The following RP1 variants were observed in gnomAD, a reference collection of about 807,000 sequenced individuals.
RP1 encodes oxygen-regulated protein 1.
A neutral mutation model predicts 14.8 loss-of-function variants in RP1; 16 were observed. The ratio of observed to expected loss-of-function variants is 1.08; its 90% confidence interval spans 0.73 to 1.65. The LOEUF (loss-of-function observed/expected upper bound fraction) is 1.65, where lower values mean the gene tolerates loss of function less well. Ranked by LOEUF, RP1 falls within the 40% of genes most tolerant of loss-of-function variation. The probability of loss-of-function intolerance (pLI) is 0.00; values close to 1 mark genes in which losing one functional copy is unlikely to be tolerated. For missense variants in RP1, 2,631 were observed against 2,535.0 expected (o/e 1.04, Z -0.81); for synonymous variants, 876 against 883.6 (o/e 0.99, Z 0.15).
At chr8:54,576,988 A>C (rs1034702651) in intron 1 of RP1, among the ~76,000 whole-genome samples, 3 of 152,150 alleles carry the variant, frequency 2.0e-5, no homozygotes, top group African/African-American at 7.2e-5. Context: ...TCTATGTATT[A>C]TTCTAAGAAT....
chr8:54,662,407 C>T (rs756561390), intron 6 of RP1, among the ~76,000 whole-genome samples: 39 of 152,068 alleles, frequency 2.6e-4, no homozygotes, highest in Admixed American at 6.6e-5. Flanking sequence ...TTTGGTTATC[C>T]TGTTGTGCTG....
At chr8:54,755,951 A>G (rs1809496377) in intron 21 of RP1, among the ~76,000 whole-genome samples, 1 of 152,198 alleles carries the variant, frequency 6.6e-6, no homozygotes, top group Admixed American at 6.5e-5. Context: ...TGCAAGAAAA[A>G]TGGGACATAC....
chr8:54,562,232 T>C (rs1245933686), intron 1 of RP1, among the ~76,000 whole-genome samples: 1 of 152,212 alleles, frequency 6.6e-6, no homozygotes, highest in African/African-American at 2.4e-5. Flanking sequence ...AATATGAATA[T>C]GGGAGCAACA....
intron 15 of RP1, chr8:54,720,063 A>T: frequency 4.8e-6 from 6 of 1,240,232 alleles, no homozygotes; most frequent in Non-Finnish European, 6.5e-6. Context: ...TTTTAAAACG[A>T]CTGGTTTTAA....
intron 15 of RP1, among the ~76,000 whole-genome samples, chr8:54,716,989 C>G (rs1417356626): frequency 1.3e-5 from 2 of 152,148 alleles, no homozygotes; most frequent in South Asian, 2.1e-4. Flanking sequence ...GGAGTTGTCT[C>G]TCTTCTAGTC....
chr8:54,629,455 A>C lies in RP1; in HGVS notation c.5573A>C (p.His1858Pro), dbSNP rs747535614. The change falls in exon 4 of 4, where the codon CAT becomes CCT. Residue 1858 changes from histidine to proline, a missense_variant. Coordinates refer to ENST00000220676, the MANE Select transcript of RP1 (RefSeq NM_006269.2). ...ANHHTEEKGS[H>P]QSERVCTSVT... Reference sequence around the variant, plus strand: ...CATCATACAGAGGAGAAGGGTAGTCATCAGTCAGAAAGAGTATGCACATCT... The same window carrying C: ...CATCATACAGAGGAGAAGGGTAGTCCTCAGTCAGAAAGAGTATGCACATCT... 1 of 1,614,178 alleles carries C rather than the reference A, an allele frequency of 6.2e-7. No homozygotes were observed. Among genetic ancestry groups the C allele is most frequent in the South Asian group, 1.1e-5 (1 of 91,080 alleles).
At chr8:54,724,772 T>A (rs577479521) in intron 16 of RP1, among the ~76,000 whole-genome samples, 1 of 152,314 alleles carries the variant, frequency 6.6e-6, no homozygotes, top group African/African-American at 2.4e-5. Context: ...CCAGAAAATG[T>A]CTTCCACTTT....
chr8:54,821,604 A>C (rs1811257673), intron 24 of RP1, among the ~76,000 whole-genome samples: 1 of 152,186 alleles, frequency 6.6e-6, no homozygotes, highest in Non-Finnish European at 1.5e-5. Flanking sequence ...AGATGAAACT[A>C]CCAGTTAGTC....
At chr8:54,779,677 A>G (rs1392680831) in intron 23 of RP1, among the ~76,000 whole-genome samples, 1 of 152,236 alleles carries the variant, frequency 6.6e-6, no homozygotes, top group East Asian at 1.9e-4. Flanking sequence ...TGCTTTCCTG[A>G]GAATACACTT....
At position 54,621,433 on chromosome 8, in the gene RP1, T is replaced by G. The variant is rs1443468790; in HGVS notation, c.467T>G (p.Leu156Arg). The change falls in exon 2 of 4, where the codon CTA (leucine) becomes CGA (arginine). Residue 156 changes from leucine to arginine, a missense_variant. By Grantham distance (102) the Leu-to-Arg change is moderately radical (BLOSUM62 -2). Transcript: ENST00000220676. ...GGCATGCCCCGCCCCCCACGGAGCC[T>G]AGTGGTCTTCAGGAATGGCGACCCG... ...APGMPRPPRSLVVFRNGDPKT... is the reference protein window; with the variant it reads ...APGMPRPPRSRVVFRNGDPKT... 5 of 1,613,374 alleles carry G rather than the reference T, an allele frequency of 3.1e-6. No homozygotes were observed. In the Admixed American group the frequency reaches 8.3e-5, roughly 27 times the overall value.
At chr8:54,656,195 A>G (rs1806751763) in exon 6 of RP1, 2 of 1,535,444 alleles carry the variant, frequency 1.3e-6, no homozygotes, top group African/African-American at 1.4e-5. Flanking sequence ...CTTTTAAGTA[A>G]AGGACAACCT....
At chr8:54,845,305 G>A (rs143410863) in intron 25 of RP1, among the ~76,000 whole-genome samples, 135 of 152,300 alleles carry the variant, frequency 8.9e-4, no homozygotes, top group African/African-American at 3.2e-3. Flanking sequence ...ATTCATACCT[G>A]ATCAGTGGTT....
At chr8:54,674,048 T>C in intron 8 of RP1, 5 of 705,266 alleles carry the variant, frequency 7.1e-6, no homozygotes, top group South Asian at 4.0e-5. Flanking sequence ...ATGTATTGAC[T>C]ATATGAAATC....
intron 24 of RP1, among the ~76,000 whole-genome samples, chr8:54,813,947 T>C (rs891698679): frequency 2.6e-5 from 4 of 152,230 alleles, no homozygotes; most frequent in Non-Finnish European, 4.4e-5. Context: ...TCTTAGAGGC[T>C]GTGGGGAGTT....
At chr8:54,692,087 A>G (rs927229295) in intron 12 of RP1, among the ~76,000 whole-genome samples, 5 of 151,504 alleles carry the variant, frequency 3.3e-5, no homozygotes, top group Non-Finnish European at 7.4e-5. Context: ...TGTCCTTGTG[A>G]TAATTTGCTG....
At chr8:54,812,264 C>T (rs944400030) in intron 24 of RP1, among the ~76,000 whole-genome samples, 10 of 152,214 alleles carry the variant, frequency 6.6e-5, no homozygotes, top group African/African-American at 2.4e-4. Context: ...CCTCAGCCTT[C>T]CGAGTAGCTG....
At chr8:54,802,631 C>T (rs1810740287) in intron 24 of RP1, among the ~76,000 whole-genome samples, 1 of 152,142 alleles carries the variant, frequency 6.6e-6, no homozygotes, top group Non-Finnish European at 1.5e-5. Context: ...CTATTCATTT[C>T]AATGTCGTTC....
chr8:54,654,385 G>A (rs1412342777), intron 5 of RP1, among the ~76,000 whole-genome samples: 1 of 151,940 alleles, frequency 6.6e-6, no homozygotes, highest in East Asian at 1.9e-4. Flanking sequence ...AGTTAGGGAA[G>A]ATTACAAAAT....
At chr8:54,715,509 A>G (rs1483834407) in intron 15 of RP1, among the ~76,000 whole-genome samples, 1 of 152,186 alleles carries the variant, frequency 6.6e-6, no homozygotes, top group African/African-American at 2.4e-5. Context: ...TCCTTCAGGC[A>G]CTGTTAGAGG....
Sources: gnomAD v4.1 joint callset for allele counts (sites outside exome capture counted in the v4.1 genomes callset) on GRCh38, gnomAD v4.1.1 for gene constraint, MANE v1.5 for transcripts, NCBI Gene and HGNC (gene_info 2026-07-23, HGNC 2026-07-21) for gene names.